DENND6B: variants seen among roughly 807,000 people sequenced by gnomAD.
DENND6B encodes DENN domain containing 6B.
A neutral mutation model predicts 85.1 loss-of-function variants in DENND6B; 73 were observed. That is an observed-to-expected ratio of 0.86 (90% confidence interval 0.71 to 1.04). The LOEUF is 1.04. Among genes scored for constraint, DENND6B ranks in the 50% least tolerant of loss-of-function variants. The pLI is 0.00. For missense variants in DENND6B, 715 were observed against 785.8 expected, an observed-to-expected ratio of 0.91 and a Z score of 1.08; for synonymous variants, 357 against 329.3, an observed-to-expected ratio of 1.08 and a Z score of -0.91.
intron 1 of DENND6B, among the ~76,000 whole-genome samples, chr22:50,326,093 A>T (rs978416218): frequency 6.6e-6 from 1 of 152,204 alleles, no homozygotes; most frequent in Non-Finnish European, 1.5e-5. Context: ...CAGGACACAG[A>T]GAAGATCATC....
chr22:50,323,352 C>G, intron 1 of DENND6B, among the ~76,000 whole-genome samples: 1 of 148,716 alleles, frequency 6.7e-6, no homozygotes, highest in East Asian at 2.0e-4. Context: ...TGCAGTGGCA[C>G]GATCTCAGCT....
At chr22:50,313,596 G>T (rs1199075998) in intron 15 of DENND6B, 39 bp downstream of exon 15, 260 of 342,244 alleles carry the variant, frequency 7.6e-4, no homozygotes, top group Non-Finnish European at 9.1e-4. Flanking sequence ...CCCCAGCCCC[G>T]TGCCCCCCAG....
intron 4 of DENND6B, 130 bp from the exon 5 acceptor site, chr22:50,317,503 G>T: frequency 1.9e-6 from 2 of 1,055,862 alleles, no homozygotes; most frequent in Non-Finnish European, 2.8e-6. Context: ...GGCTCCTGGA[G>T]CTGCTGTCCG....
Position 50,312,265 on chromosome 22 carries a change from G to A in DENND6B, c.1636-4C>T. The stretch of plus-strand genomic sequence containing the variant: ...GCTGGTGGCCCTGAGCCCGCACCTG[G>A]AGGGGCAGCCATGGTCAGGGCAGGC... On this transcript the variant is annotated splice_polypyrimidine_tract_variant and splice_region_variant and intron_variant, in intron 19 of 19. Coordinates refer to ENST00000413817, the MANE Select transcript of DENND6B (RefSeq NM_001001794.4). 2 of 1,612,134 alleles carry A rather than the reference G, an allele frequency of 1.2e-6. No homozygotes were observed. Among genetic ancestry groups the A allele is most frequent in the South Asian group, 1.1e-5 (1 of 90,954 alleles).
chr22:50,314,517 G>T (rs1359934212), intron 11 of DENND6B, 23 bp from the exon 12 acceptor site: 3 of 1,555,266 alleles, frequency 1.9e-6, no homozygotes, highest in Non-Finnish European at 2.6e-6. Context: ...AGAGAGAGAA[G>T]AGGCAGAGAC....
Position 50,311,035 on chromosome 22 carries a change from A to G in DENND6B, c.*1104T>C, listed in dbSNP as rs2068053220. ...TCACAGGGTACAAAGCCCAGTCTCC[A>G]TGAGTGGCCCTCCCAGCACCCTGTC... On this transcript the variant is annotated 3_prime_UTR_variant, in exon 20 of 20. Transcript: ENST00000413817. 6.6e-6 allele frequency: 1 copy of G among 152,114 alleles called. No individual in the cohort carries two copies. Among genetic ancestry groups the G allele is most frequent in the Admixed American group, 6.5e-5 (1 of 15,274 alleles). 9.4% of individuals were successfully genotyped at this position (152,114 alleles called of 1,614,324 possible).
Position 50,317,900 on chromosome 22 carries a change from G to A in DENND6B, c.372+8C>T, listed in dbSNP as rs752481730. On this transcript the variant is annotated splice_region_variant and intron_variant, in intron 4 of 19. Coordinates refer to ENST00000413817, the MANE Select transcript of DENND6B (RefSeq NM_001001794.4). The stretch of plus-strand genomic sequence containing the variant: ...AGAAGCAGGCCAGAGACGCAGCCCA[G>A]TGCTCACCTGCAGTGCCACAGGGGC... 11 of 1,604,434 alleles carry A rather than the reference G, an allele frequency of 6.9e-6. No homozygotes were observed. Among genetic ancestry groups the A allele is most frequent in the Admixed American group, 3.3e-5 (2 of 59,846 alleles).
chr22:50,323,713 C>A lies in DENND6B; in HGVS notation c.177+3099G>T, dbSNP rs907366509. ...CTAGGATTACAGGCATCAGCCAGCA[C>A]GCCTAGCCTTTTTTTTTTTTTTTTT... On this transcript the variant is annotated intron_variant, in intron 1 of 19. Coordinates refer to ENST00000413817, the MANE Select transcript of DENND6B (RefSeq NM_001001794.4). Among the ~76,000 whole-genome samples, 249 of 141,396 alleles carry A rather than the reference C, an allele frequency of 1.8e-3. 2 individuals carry two copies. The highest frequency in any genetic ancestry group is 2.5e-3 in the East Asian group (12 of 4,818). 92.8% of individuals were successfully genotyped at this position (141,396 alleles called of 152,430 possible).
At chr22:50,314,944 G>A (rs770509926) in intron 9 of DENND6B, 23 bp from the exon 10 acceptor site, 1 of 1,605,978 alleles carries the variant, frequency 6.2e-7, no homozygotes, top group Non-Finnish European at 8.5e-7. Flanking sequence ...AGGAAGGTCG[G>A]GGAGGTCAGG....
chr22:50,326,725 G>T, intron 1 of DENND6B, 87 bp downstream of exon 1: 1 of 1,187,752 alleles, frequency 8.4e-7, no homozygotes, highest in Non-Finnish European at 1.1e-6. Context: ...AGAGTGCGGG[G>T]CGGCCGAGGG....
rs1225540574 is a variant in DENND6B, at chr22:50,318,971, G to T, written c.210C>A (p.Asp70Glu). The T allele has an allele frequency of 6.2e-7, 1 of 1,606,618 alleles. No homozygotes were observed. The highest frequency in any genetic ancestry group is 8.5e-7 in the Non-Finnish European group (1 of 1,176,766). Reference protein sequence around the residue: ...LVYPNDFRLTDKEKSSICYLS... With the variant: ...LVYPNDFRLTEKEKSSICYLS... ...CAAGAGGGCCGGGACTCACCTCCTT[G>T]TCTGTGAGCCGGAAGTCGTTCGGAT... The change falls in exon 2 of 20, where the codon GAC becomes GAA. Residue 70 changes from aspartate to glutamate, a missense_variant. Transcript: ENST00000413817.
intron 9 of DENND6B, chr22:50,315,211 T>G (rs903875982): frequency 4.1e-5 from 18 of 439,076 alleles, no homozygotes; most frequent in African/African-American, 3.6e-4. Context: ...CAGGGTCTGC[T>G]GACCTGGGCT....
chr22:50,315,957 G>T (rs1456605484), intron 8 of DENND6B, 68 bp downstream of exon 8: 17 of 1,608,114 alleles, frequency 1.1e-5, no homozygotes, highest in Non-Finnish European at 1.4e-5. Context: ...GGGACCACCC[G>T]GCCCAGGAGC....
rs377210807 is a variant in DENND6B, at chr22:50,323,168, G to GT, written c.177+3643dup. Among the ~76,000 whole-genome samples, 794 of 148,248 alleles carry GT rather than the reference G, an allele frequency of 5.4e-3. 6 individuals are homozygous for GT. The highest frequency in any genetic ancestry group is 0.018 in the African/African-American group (719 of 40,142). ...AGGTGTGAGCCACCACGCCCGGCTT[G>GT]TTTTTTGTTTTTTAACAGACAGGGT... On this transcript the variant is annotated intron_variant, in intron 1 of 19. Transcript: ENST00000413817.
At position 50,315,076 on chromosome 22, in the gene DENND6B, G is replaced by C; in HGVS notation, c.759-155C>G. ...ACAGATCTATCTGAAGATGTGTCTC[G>C]GGTAATCATGACGACCCCAAGCTGT... On this transcript the variant is annotated intron_variant, in intron 9 of 19. Coordinates refer to ENST00000413817, the MANE Select transcript of DENND6B (RefSeq NM_001001794.4). 9 of 1,130,084 alleles carry C rather than the reference G, an allele frequency of 8.0e-6. 1 individual carries two copies. In the South Asian group the frequency reaches 1.3e-4, roughly 16 times the overall value. The allele number at this position is 1,130,084 out of a possible 1,614,324, so 70.0% of individuals were successfully genotyped here.
At chr22:50,325,575 T>C (rs2147796289) in intron 1 of DENND6B, among the ~76,000 whole-genome samples, 1 of 152,298 alleles carries the variant, frequency 6.6e-6, no homozygotes. Context: ...GACCTTGTGA[T>C]CTGCCTGCCT....
chr22:50,325,651 C>T (rs1317309410), intron 1 of DENND6B, among the ~76,000 whole-genome samples: 2 of 152,084 alleles, frequency 1.3e-5, no homozygotes, highest in Admixed American at 6.6e-5. Flanking sequence ...CTCTTAACTT[C>T]TTTTGTGATT....
At position 50,312,353 on chromosome 22, in the gene DENND6B, C is replaced by T. The variant is rs772899786; in HGVS notation, c.1625G>A (p.Arg542His). ...TGGGAGGCATCTTACCAGCTTCTCA[C>T]GAAGTTTCAGGACCAGGTCCACGAC... ...VEVVDLVLKL[R>H]EKLVRAQGHQ... Residue 542 changes from arginine to histidine, a missense_variant, in exon 19 of 20, where the codon CGT becomes CAT. Arg to His is a conservative substitution (Grantham distance 29). Coordinates refer to ENST00000413817, the MANE Select transcript of DENND6B (RefSeq NM_001001794.4). 2.0e-5 allele frequency: 33 copies of T among 1,611,512 alleles called. No individual in the cohort carries two copies. Among genetic ancestry groups the T allele is most frequent in the East Asian group, 1.3e-4 (6 of 44,862 alleles).
intron 9 of DENND6B, 170 bp from the exon 10 acceptor site, chr22:50,315,091 C>A: frequency 9.9e-7 from 1 of 1,009,860 alleles, no homozygotes; most frequent in South Asian, 1.7e-5. Context: ...ATCATGACGA[C>A]CCCAAGCTGT....
Sources: allele counts gnomAD v4.1 joint callset (sites outside exome capture counted in the v4.1 genomes callset), GRCh38; gene constraint gnomAD v4.1.1; transcripts MANE v1.5; gene names NCBI Gene and HGNC (gene_info 2026-07-23, HGNC 2026-07-21).